Variants in UBE2D1 observed in about 807,000 individuals in gnomAD.
UBE2D1 encodes the protein ubiquitin-conjugating enzyme E2 D1.
UBE2D1 carries 9 observed loss-of-function variants against 24.6 expected under a neutral mutation model. The observed-to-expected ratio is 0.37, with a 90% CI of 0.22 to 0.64. The LOEUF (loss-of-function observed/expected upper bound fraction) is 0.64. Among genes scored for constraint, UBE2D1 ranks in the 30% least tolerant of loss-of-function variants. The pLI is 0.64. For missense variants in UBE2D1, 87 were observed against 177.1 expected (o/e 0.49, Z 2.89); for synonymous variants, 57 against 57.6 (o/e 0.99, Z 0.04).
At chr10:58,352,037 C>T (rs183675297) in intron 1 of UBE2D1, among the ~76,000 whole-genome samples, 1 of 151,988 alleles carries the variant, frequency 6.6e-6, no homozygotes, top group East Asian at 1.9e-4. Context: ...GACCCAGCAC[C>T]ATCTATTGAA....
At chr10:58,368,488 T>A (rs1337753531) in intron 6 of UBE2D1, 1 of 325,754 alleles carries the variant, frequency 3.1e-6, no homozygotes, top group Non-Finnish European at 5.6e-6. Context: ...GCATTTTGAT[T>A]TTTGTGTATT....
intron 3 of UBE2D1, among the ~76,000 whole-genome samples, chr10:58,362,784 A>ATG (rs1221352497): frequency 1.3e-5 from 2 of 152,134 alleles, no homozygotes; most frequent in African/African-American, 4.8e-5. Context: ...TCTAGCATAT[A>ATG]TGTGGAAACT....
At chr10:58,357,568 T>G (rs1444410242) in intron 1 of UBE2D1, among the ~76,000 whole-genome samples, 14 of 152,196 alleles carry the variant, frequency 9.2e-5, no homozygotes, top group Admixed American at 2.6e-4. Flanking sequence ...CAAAATATCT[T>G]CATTTTTCTT....
intron 1 of UBE2D1, among the ~76,000 whole-genome samples, chr10:58,340,318 C>A (rs745978193): frequency 3.3e-5 from 5 of 152,118 alleles, no homozygotes; most frequent in Non-Finnish European, 5.9e-5. Flanking sequence ...GTACTACTTG[C>A]CTTATTCTGT....
chr10:58,349,185 ATCCTT>A (rs1297035501), intron 1 of UBE2D1, among the ~76,000 whole-genome samples: 1 of 152,202 alleles, frequency 6.6e-6, no homozygotes, highest in Non-Finnish European at 1.5e-5. Flanking sequence ...TAAAGGCACT[ATCCTT>A]TAATTTACTG....
chr10:58,337,832 T>C (rs898373441), intron 1 of UBE2D1, among the ~76,000 whole-genome samples: 1 of 151,634 alleles, frequency 6.6e-6, no homozygotes, highest in African/African-American at 2.4e-5. Flanking sequence ...AGTGGAGGAG[T>C]GCTTTGTCCA....
chr10:58,342,144 G>A (rs1178483102), intron 1 of UBE2D1, among the ~76,000 whole-genome samples: 6 of 152,190 alleles, frequency 3.9e-5, no homozygotes, highest in Non-Finnish European at 7.3e-5. Context: ...AGGCTGTTGT[G>A]TTCCAGGATT....
chr10:58,354,083 C>T (rs139047687), intron 1 of UBE2D1, among the ~76,000 whole-genome samples: 241 of 152,216 alleles, frequency 1.6e-3, no homozygotes, highest in African/African-American at 5.5e-3. Flanking sequence ...TTATACATGT[C>T]GGGTATTAAG....
At chr10:58,363,161 A>G (rs2132331701) in intron 3 of UBE2D1, among the ~76,000 whole-genome samples, 1 of 152,208 alleles carries the variant, frequency 6.6e-6, no homozygotes, top group Non-Finnish European at 1.5e-5. Context: ...GTTCATCTCC[A>G]TTCTTGGTCA....
At chr10:58,364,919 A>T in intron 5 of UBE2D1, 43 bp downstream of exon 5, 1 of 1,491,526 alleles carries the variant, frequency 6.7e-7, no homozygotes, top group Non-Finnish European at 9.3e-7. Flanking sequence ...TAACAGTGAG[A>T]CAGGAAAAAT....
chr10:58,358,023 G>A (rs1450855607), intron 1 of UBE2D1, among the ~76,000 whole-genome samples: 1 of 151,664 alleles, frequency 6.6e-6, no homozygotes, highest in Non-Finnish European at 1.5e-5. Flanking sequence ...ATAATAACAA[G>A]ATAACCTTTG....
chr10:58,366,457 T>A (rs1453220205), intron 5 of UBE2D1, among the ~76,000 whole-genome samples: 2 of 152,190 alleles, frequency 1.3e-5, no homozygotes, highest in African/African-American at 4.8e-5. Context: ...ATAGTGAAAC[T>A]GGGGCAAATG....
chr10:58,338,514 GT>G (rs1839927446), intron 1 of UBE2D1, among the ~76,000 whole-genome samples: 1 of 152,118 alleles, frequency 6.6e-6, no homozygotes, highest in African/African-American at 2.4e-5. Flanking sequence ...GAGGAGGACA[GT>G]TTTTCACCTA....
intron 1 of UBE2D1, among the ~76,000 whole-genome samples, chr10:58,340,900 G>A (rs534917906): frequency 2.3e-4 from 35 of 152,254 alleles, no homozygotes; most frequent in South Asian, 4.1e-4. Flanking sequence ...AGAGTCAAAT[G>A]GGTTTATGGG....
intron 1 of UBE2D1, among the ~76,000 whole-genome samples, chr10:58,348,612 G>A (rs1439847216): frequency 6.6e-6 from 1 of 152,170 alleles, no homozygotes; most frequent in East Asian, 1.9e-4. Flanking sequence ...AACCAGTGGG[G>A]TATGTATTAT....
chr10:58,367,295 G>C (rs1840266208), intron 5 of UBE2D1, among the ~76,000 whole-genome samples: 1 of 145,494 alleles, frequency 6.9e-6, no homozygotes, highest in Non-Finnish European at 1.5e-5. Flanking sequence ...CAGATACTTA[G>C]ATCGTTAGTG....
At position 58,356,449 on chromosome 10, in the gene UBE2D1, C is replaced by A. The variant is rs150415855; in HGVS notation, c.25-4889C>A. Among the ~76,000 whole-genome samples, 382 of 152,194 alleles carry A rather than the reference C, an allele frequency of 2.5e-3. 1 individual carries two copies. The highest frequency in any genetic ancestry group is 8.7e-3 in the African/African-American group (362 of 41,552). On this transcript the variant is annotated intron_variant, in intron 1 of 6. Coordinates refer to ENST00000373910, the MANE Select transcript of UBE2D1 (RefSeq NM_003338.5). Reference sequence around the variant, plus strand: ...TGTTTTAAATAGCTACTCAGTATTTCATAATATGGCTGTATTATTTCATGA... The same window carrying A: ...TGTTTTAAATAGCTACTCAGTATTTAATAATATGGCTGTATTATTTCATGA...
chr10:58,344,527 A>G (rs1839995654), intron 1 of UBE2D1, among the ~76,000 whole-genome samples: 2 of 152,102 alleles, frequency 1.3e-5, no homozygotes, highest in South Asian at 2.1e-4. Flanking sequence ...GCAGCAAACA[A>G]CAGTGATCAC....
chr10:58,335,329 G>C, intron 1 of UBE2D1, 104 bp downstream of exon 1: 3 of 1,287,718 alleles, frequency 2.3e-6, no homozygotes, highest in South Asian at 3.1e-5. Flanking sequence ...AGGGATGGAA[G>C]GGTGGGCCGG....
Sources: gnomAD v4.1 joint callset for allele counts (sites outside exome capture counted in the v4.1 genomes callset) on GRCh38, gnomAD v4.1.1 for gene constraint, MANE v1.5 for transcripts, NCBI Gene and HGNC (gene_info 2026-07-23, HGNC 2026-07-21) for gene names.